LIMA1: variants seen among roughly 807,000 people sequenced by gnomAD.
The protein encoded by LIMA1 is LIM domain and actin binding 1.
A neutral mutation model predicts 62.6 loss-of-function variants in LIMA1; 52 were observed. That is an observed-to-expected ratio of 0.83 (90% CI 0.67 to 1.05). The LOEUF (loss-of-function observed/expected upper bound fraction) is 1.05. Among genes scored for constraint, LIMA1 ranks in the 50% least tolerant of loss-of-function variants. The pLI, the probability that LIMA1 is intolerant of heterozygous loss-of-function variation, is 0.00. For missense variants in LIMA1, 780 were observed against 902.2 expected, an observed-to-expected ratio of 0.86 and a Z score of 1.74; for synonymous variants, 302 against 317.8, an observed-to-expected ratio of 0.95 and a Z score of 0.53.
intron 3 of LIMA1, among the ~76,000 whole-genome samples, chr12:50,226,908 TC>T (rs1355169866): frequency 4.2e-4 from 51 of 120,538 alleles, no homozygotes; most frequent in African/African-American, 1.2e-3. Flanking sequence ...TAATTCTTTT[TC>T]TTTTTTTTTT....
At chr12:50,193,768 G>C (rs975552531) in intron 8 of LIMA1, among the ~76,000 whole-genome samples, 2 of 128,474 alleles carry the variant, frequency 1.6e-5, no homozygotes, top group African/African-American at 5.8e-5. Flanking sequence ...GGGCTCAAGT[G>C]ATCCTCCTGC....
intron 9 of LIMA1, chr12:50,185,351 G>A: frequency 2.2e-6 from 1 of 456,186 alleles, no homozygotes; most frequent in Non-Finnish European, 4.4e-6. Flanking sequence ...GGAACAGAAG[G>A]AAAGGAGAAC....
chr12:50,279,028 T>C (rs1592575715), intron 1 of LIMA1, among the ~76,000 whole-genome samples: 1 of 148,840 alleles, frequency 6.7e-6, no homozygotes, highest in African/African-American at 2.5e-5. Context: ...TTTTTTGATA[T>C]GGAGTCTTGC....
chr12:50,211,740 A>C (rs761851757), intron 4 of LIMA1, among the ~76,000 whole-genome samples: 51 of 152,182 alleles, frequency 3.4e-4, no homozygotes, highest in Non-Finnish European at 3.2e-4. Context: ...TCTGAGGTAC[A>C]GGAAGAAGGA....
In LIMA1 at chr12:50,175,883, G is replaced by C. The variant is rs1275999765; in HGVS notation, c.*1181C>G. ...TTTTACATCTCTAAAAAATATTAAA[G>C]CTAAATCTCTATAAATGCAGTACAA... On this transcript the variant is annotated 3_prime_UTR_variant, in exon 11 of 11. Coordinates refer to ENST00000341247, the MANE Select transcript of LIMA1 (RefSeq NM_016357.5). 1 of 152,092 alleles carries C rather than the reference G, an allele frequency of 6.6e-6. No individual in the cohort carries two copies. The highest frequency in any genetic ancestry group is 2.4e-5 in the African/African-American group (1 of 41,422). 9.4% of individuals were successfully genotyped at this position (152,092 alleles called of 1,614,324 possible). A position where few individuals can be genotyped will look rare whatever the true frequency, so the allele number is the denominator to read the frequency against.
At chr12:50,255,136 T>TA (rs201294896) in intron 1 of LIMA1, among the ~76,000 whole-genome samples, 1,588 of 152,178 alleles carry the variant, frequency 0.01, 24 homozygotes, top group African/African-American at 0.035. Flanking sequence ...CCTGTTCTTA[T>TA]ATATCCGATC....
rs1477555446 is a variant in LIMA1 at position 50,280,739 on chromosome 12, C to A, written c.-24+2681G>T. Reference sequence around the variant, plus strand: ...CAGTATGGTCCTACCTTATCATCCACCATAGACTCTCAACTCCATAATCAT... The same window carrying A: ...CAGTATGGTCCTACCTTATCATCCAACATAGACTCTCAACTCCATAATCAT... On this transcript the variant is annotated intron_variant, in intron 1 of 10. Coordinates refer to ENST00000341247, the MANE Select transcript of LIMA1 (RefSeq NM_016357.5). Among the ~76,000 whole-genome samples the A allele has an allele frequency of 1.2e-4, 18 of 152,286 alleles. No individual in the cohort carries two copies. The East Asian group carries it at 2.3e-3, about 20-fold the overall frequency.
intron 2 of LIMA1, among the ~76,000 whole-genome samples, chr12:50,236,110 A>G (rs1331396692): frequency 1.3e-5 from 2 of 151,742 alleles, no homozygotes; most frequent in East Asian, 2.0e-4. Context: ...GGTTGCAGTG[A>G]GCCGAGATTG....
In LIMA1 at chr12:50,181,899, CT is replaced by C; in HGVS notation, c.1274+4del. 7.4e-6 allele frequency: 12 copies of C among 1,614,118 alleles called. No individual in the cohort carries two copies. Among genetic ancestry groups the C allele is most frequent in the Non-Finnish European group, 1.0e-5 (12 of 1,180,012 alleles). ...AGACAGATGGCTTGTTTTGGGCTGA[CT>C]TACCTGAGTTTGTTGTTGCAATAGG... On this transcript the variant is annotated splice_donor_region_variant and intron_variant, in intron 10 of 10. Coordinates refer to ENST00000341247, the MANE Select transcript of LIMA1 (RefSeq NM_016357.5).
At position 50,248,661 on chromosome 12, in the gene LIMA1, A is replaced by G; in HGVS notation, c.91T>C (p.Ser31Pro). Reference sequence around the variant, plus strand: ...GAGAATATTTCCACAATAGCCGATGACTTGTTCTTGTTGACAAGAGAAAGT... The same window carrying G: ...GAGAATATTTCCACAATAGCCGATGGCTTGTTCTTGTTGACAAGAGAAAGT... The part of the protein sequence containing the change: ...KELSLVNKNK[S>P]SAIVEIFSKY... The change falls in exon 2 of 11, where the codon TCA becomes CCA. Residue 31 changes from serine to proline, a missense_variant. By Grantham distance (74) the Ser-to-Pro change is moderately conservative. Coordinates refer to ENST00000341247, the MANE Select transcript of LIMA1 (RefSeq NM_016357.5). The G allele has an allele frequency of 1.2e-6, 2 of 1,612,452 alleles. No individual in the cohort carries two copies. Among genetic ancestry groups the G allele is most frequent in the Non-Finnish European group, 1.7e-6 (2 of 1,178,452 alleles).
intron 1 of LIMA1, 111 bp from the exon 2 acceptor site, chr12:50,248,885 G>T: frequency 1.5e-6 from 1 of 661,744 alleles, no homozygotes. Context: ...CTCCTCCACT[G>T]TTCTCCCCCA....
intron 4 of LIMA1, among the ~76,000 whole-genome samples, chr12:50,215,555 C>T (rs923899855): frequency 3.3e-5 from 5 of 152,068 alleles, no homozygotes; most frequent in African/African-American, 7.2e-5. Flanking sequence ...CTGCAAGCTC[C>T]GCCTCCCGGG....
At chr12:50,270,233 C>CAAAA (rs60610107) in intron 1 of LIMA1, among the ~76,000 whole-genome samples, 3 of 68,404 alleles carry the variant, frequency 4.4e-5, no homozygotes, top group African/African-American at 1.8e-4. Context: ...GAAACTCTGT[C>CAAAA]AAAAAAAAAA....
intron 2 of LIMA1, among the ~76,000 whole-genome samples, chr12:50,239,953 C>CA (rs1371014442): frequency 6.6e-6 from 1 of 151,960 alleles, no homozygotes; most frequent in Non-Finnish European, 1.5e-5. Context: ...GTGATGGCGC[C>CA]ACTGCACTCC....
At chr12:50,244,474 A>G (rs539707105) in intron 2 of LIMA1, among the ~76,000 whole-genome samples, 1 of 152,160 alleles carries the variant, frequency 6.6e-6, no homozygotes, top group East Asian at 1.9e-4. Flanking sequence ...CCTGACCTCA[A>G]ATGATCCACC....
chr12:50,276,468 A>C (rs1942277067), intron 1 of LIMA1, among the ~76,000 whole-genome samples: 3 of 152,220 alleles, frequency 2.0e-5, no homozygotes, highest in Admixed American at 2.0e-4. Context: ...AAAGAATTAA[A>C]TATAAAGTGT....
In LIMA1 at chr12:50,195,349, G is replaced by C. The variant is rs553590611; in HGVS notation, c.1030+481C>G. Among the ~76,000 whole-genome samples, 100 of 152,250 alleles carry C rather than the reference G, an allele frequency of 6.6e-4. No individual in the cohort carries two copies. In the South Asian group the frequency reaches 7.5e-3, roughly 11 times the overall value. The stretch of plus-strand genomic sequence containing the variant: ...AGGATGACAGGTGACAAAATTCACT[G>C]TCAGCAGGAAAATCCCTAGAACCTG... On this transcript the variant is annotated intron_variant, in intron 8 of 10. Coordinates refer to ENST00000341247, the MANE Select transcript of LIMA1 (RefSeq NM_016357.5).
intron 7 of LIMA1, 188 bp from the exon 8 acceptor site, chr12:50,196,075 G>T: frequency 1.9e-6 from 1 of 537,068 alleles, no homozygotes; most frequent in South Asian, 2.8e-5. Context: ...CTTTTATGAG[G>T]ATATTAACAT....
intron 9 of LIMA1, among the ~76,000 whole-genome samples, chr12:50,183,119 G>A (rs184131660): frequency 2.6e-5 from 4 of 152,040 alleles, no homozygotes; most frequent in African/African-American, 9.6e-5. Flanking sequence ...GGAGAATGGC[G>A]TGAACCCGGG....
Sources: gnomAD v4.1 joint callset for allele counts (sites outside exome capture counted in the v4.1 genomes callset) on GRCh38, gnomAD v4.1.1 for gene constraint, MANE v1.5 for transcripts, NCBI Gene and HGNC (gene_info 2026-07-23, HGNC 2026-07-21) for gene names.